Variants in LRRTM4 observed in about 807,000 individuals in gnomAD.
The protein encoded by LRRTM4 is leucine-rich repeat transmembrane neuronal protein 4.
In LRRTM4, 25 loss-of-function variants were observed where a neutral mutation model predicts 47.6. That is an observed-to-expected ratio of 0.53 (90% CI 0.38 to 0.73). The LOEUF (loss-of-function observed/expected upper bound fraction) is 0.73, where lower values mean the gene tolerates loss of function less well. Ranked by LOEUF, LRRTM4 falls within the 30% of genes least tolerant of loss-of-function variation. The probability of loss-of-function intolerance (pLI) is 0.00; values close to 1 mark genes in which losing one functional copy is unlikely to be tolerated. For missense variants in LRRTM4, 638 were observed against 713.4 expected (o/e 0.89, Z 1.20); for synonymous variants, 311 against 269.5 (o/e 1.15, Z -1.51).
intron 3 of LRRTM4, among the ~76,000 whole-genome samples, chr2:77,324,582 T>C (rs1670685459): frequency 6.6e-6 from 1 of 152,170 alleles, no homozygotes. Context: ...GAAATAACTT[T>C]GTGCTCTTAG....
chr2:77,072,848 G>A (rs942437656), intron 3 of LRRTM4, among the ~76,000 whole-genome samples: 1 of 148,408 alleles, frequency 6.7e-6, no homozygotes, highest in Non-Finnish European at 1.5e-5. Context: ...CAGTTTCCAA[G>A]GTTTGTATGA....
chr2:76,824,118 C>T (rs1404342346), intron 3 of LRRTM4, among the ~76,000 whole-genome samples: 2 of 151,486 alleles, frequency 1.3e-5, no homozygotes, highest in Non-Finnish European at 3.0e-5. Flanking sequence ...CTCATAGTAA[C>T]ATAAAAATAA....
intron 3 of LRRTM4, among the ~76,000 whole-genome samples, chr2:77,340,954 G>A (rs1448777187): frequency 6.6e-6 from 1 of 151,810 alleles, no homozygotes; most frequent in East Asian, 1.9e-4. Context: ...AATTCAAGCA[G>A]GTGTGAAACC....
At chr2:77,224,702 T>G (rs1474358875) in intron 3 of LRRTM4, among the ~76,000 whole-genome samples, 1 of 152,048 alleles carries the variant, frequency 6.6e-6, no homozygotes. Context: ...CATTAAAAAG[T>G]CAGGAAACAA....
intron 3 of LRRTM4, among the ~76,000 whole-genome samples, chr2:77,237,273 ATTGTGTCT>A (rs1397865296): frequency 2.7e-5 from 4 of 150,126 alleles, no homozygotes; most frequent in Admixed American, 2.0e-4. Context: ...CGCTTGGGAG[ATTGTGTCT>A]TTGTGTCTTT....
At chr2:76,956,127 A>C (rs534155017) in intron 3 of LRRTM4, among the ~76,000 whole-genome samples, 4 of 151,720 alleles carry the variant, frequency 2.6e-5, no homozygotes, top group Non-Finnish European at 5.9e-5. Context: ...AAAGAATGAA[A>C]AAAGATATCC....
At chr2:76,768,447 G>T (rs1200321711) in intron 3 of LRRTM4, among the ~76,000 whole-genome samples, 1 of 152,060 alleles carries the variant, frequency 6.6e-6, no homozygotes, top group African/African-American at 2.4e-5. Flanking sequence ...TTTAAAGCAT[G>T]CAAAAGAACT....
At chr2:77,445,361 C>A (rs1383587106) in intron 3 of LRRTM4, among the ~76,000 whole-genome samples, 1 of 151,774 alleles carries the variant, frequency 6.6e-6, no homozygotes, top group Non-Finnish European at 1.5e-5. Context: ...ATTTTCCCTG[C>A]CTCTGGGAAA....
At chr2:76,754,067 A>G (rs761091289) in intron 3 of LRRTM4, among the ~76,000 whole-genome samples, 1 of 152,164 alleles carries the variant, frequency 6.6e-6, no homozygotes. Context: ...TTTCATCTCT[A>G]ATTTTCAGAA....
intron 3 of LRRTM4, among the ~76,000 whole-genome samples, chr2:77,183,920 C>T (rs556346359): frequency 3.3e-4 from 50 of 151,976 alleles, no homozygotes; most frequent in South Asian, 1.2e-3. Flanking sequence ...CATCACACAC[C>T]GGGGCCTGTC....
chr2:76,754,388 AT>A (rs1672954991), intron 3 of LRRTM4, among the ~76,000 whole-genome samples: 1 of 152,070 alleles, frequency 6.6e-6, no homozygotes, highest in South Asian at 2.1e-4. Flanking sequence ...CAAAAGGGAA[AT>A]TTAATTGGCT....
chr2:77,139,383 A>T (rs1373726659), intron 3 of LRRTM4, among the ~76,000 whole-genome samples: 1 of 152,250 alleles, frequency 6.6e-6, no homozygotes, highest in Non-Finnish European at 1.5e-5. Flanking sequence ...CCACATGATT[A>T]TCTCAATAGA....
intron 3 of LRRTM4, among the ~76,000 whole-genome samples, chr2:77,388,787 TAGAG>T: frequency 6.6e-6 from 1 of 152,098 alleles, no homozygotes; most frequent in Admixed American, 6.6e-5. Context: ...GAAATATATA[TAGAG>T]AGAGATATAT....
intron 3 of LRRTM4, among the ~76,000 whole-genome samples, chr2:77,006,835 C>G (rs1465744305): frequency 1.3e-5 from 2 of 152,092 alleles, no homozygotes; most frequent in Non-Finnish European, 2.9e-5. Flanking sequence ...AAGTTGAACA[C>G]CAAGAGTAGA....
intron 3 of LRRTM4, among the ~76,000 whole-genome samples, chr2:76,798,100 C>CTAA (rs986808597): frequency 5.3e-5 from 8 of 151,708 alleles, no homozygotes; most frequent in African/African-American, 1.9e-4. Flanking sequence ...GCAAGCAGAC[C>CTAA]TAATAGACAT....
At chr2:77,292,427 G>A (rs11126599) in intron 3 of LRRTM4, among the ~76,000 whole-genome samples, 1 of 150,294 alleles carries the variant, frequency 6.7e-6, no homozygotes, top group Admixed American at 6.6e-5. Context: ...ATTCACAATA[G>A]CAAAGACTTG....
intron 3 of LRRTM4, among the ~76,000 whole-genome samples, chr2:76,910,403 G>A (rs1005676498): frequency 2.0e-5 from 3 of 151,638 alleles, no homozygotes; most frequent in African/African-American, 4.8e-5. Flanking sequence ...GCTAGATGAC[G>A]AGTTAGTGGG....
chr2:77,044,322 T>C (rs1679156326), intron 3 of LRRTM4, among the ~76,000 whole-genome samples: 1 of 151,750 alleles, frequency 6.6e-6, no homozygotes, highest in African/African-American at 2.4e-5. Context: ...AGATTATCTG[T>C]CAAATATGGT....
At chr2:77,290,558 T>A (rs1676794733) in intron 3 of LRRTM4, among the ~76,000 whole-genome samples, 1 of 151,918 alleles carries the variant, frequency 6.6e-6, no homozygotes, top group Non-Finnish European at 1.5e-5. Context: ...AAAAATGAAA[T>A]GTTTCAAACA....
Sources: gnomAD v4.1 joint callset for allele counts (sites outside exome capture counted in the v4.1 genomes callset) on GRCh38, gnomAD v4.1.1 for gene constraint, MANE v1.5 for transcripts, NCBI Gene and HGNC (gene_info 2026-07-23, HGNC 2026-07-21) for gene names.